Variants in PDZRN3 observed in about 807,000 individuals in gnomAD.
PDZRN3 encodes the protein PDZ domain containing ring finger 3.
Under a neutral mutation model 85.7 loss-of-function variants are expected in PDZRN3, and 38 were observed. That is an observed-to-expected ratio of 0.44 (90% confidence interval 0.34 to 0.58). The LOEUF is 0.58. Among genes scored for constraint, PDZRN3 ranks in the 20% least tolerant of loss-of-function variants. The pLI is 0.01. For synonymous variants in PDZRN3, 759 were observed against 638.0 expected (o/e 1.19, Z -2.86); for missense variants, 1,629 against 1,506.4 (o/e 1.08, Z -1.35).
intron 3 of PDZRN3, among the ~76,000 whole-genome samples, chr3:73,522,911 A>T (rs1208975081): frequency 1.3e-5 from 2 of 152,258 alleles, no homozygotes; most frequent in African/African-American, 2.4e-5. Context: ...GAATTCACTC[A>T]AACCTCAATG....
intron 5 of PDZRN3, among the ~76,000 whole-genome samples, chr3:73,395,915 G>C (rs1172215968): frequency 6.6e-6 from 1 of 152,154 alleles, no homozygotes; most frequent in Admixed American, 6.5e-5. Flanking sequence ...ATTCTAGTGG[G>C]GAAGAAAGAC....
chr3:73,445,006 T>G (rs1282564571), intron 3 of PDZRN3, among the ~76,000 whole-genome samples: 1 of 152,186 alleles, frequency 6.6e-6, no homozygotes, highest in Admixed American at 6.5e-5. Flanking sequence ...AAATGATTTC[T>G]GGTGAAGAGG....
chr3:73,509,905 C>T (rs1327581285), intron 3 of PDZRN3, among the ~76,000 whole-genome samples: 1 of 152,218 alleles, frequency 6.6e-6, no homozygotes, highest in African/African-American at 2.4e-5. Context: ...GCTGAGGCCT[C>T]CAGCCACCCT....
At chr3:73,620,581 G>T (rs200749581) in intron 1 of PDZRN3, among the ~76,000 whole-genome samples, 68 of 139,782 alleles carry the variant, frequency 4.9e-4, no homozygotes, top group East Asian at 3.6e-3. Context: ...GGTTTTTTTT[G>T]TTTTTTTTTT....
chr3:73,479,315 A>G (rs1378692722), intron 3 of PDZRN3, among the ~76,000 whole-genome samples: 4 of 152,176 alleles, frequency 2.6e-5, no homozygotes, highest in Non-Finnish European at 5.9e-5. Context: ...AAAGAGACCA[A>G]TTAGCAGAAT....
chr3:73,460,831 T>C (rs999649004), intron 3 of PDZRN3, among the ~76,000 whole-genome samples: 1 of 152,184 alleles, frequency 6.6e-6, no homozygotes, highest in Non-Finnish European at 1.5e-5. Flanking sequence ...TCTCGTTCTG[T>C]TGCCCAGGCT....
At chr3:73,410,547 C>T (rs1291687433) in intron 3 of PDZRN3, among the ~76,000 whole-genome samples, 8 of 152,216 alleles carry the variant, frequency 5.3e-5, no homozygotes, top group Admixed American at 5.2e-4. Flanking sequence ...CCCCTCCTTA[C>T]TCCATTTCAA....
At position 73,384,263 on chromosome 3, in the gene PDZRN3, G is replaced by A. The variant is rs376105538; in HGVS notation, c.2303C>T (p.Pro768Leu). 27 of 1,612,896 alleles carry A rather than the reference G, an allele frequency of 1.7e-5. No individual in the cohort carries two copies. Among genetic ancestry groups the A allele is most frequent in the East Asian group, 2.2e-5 (1 of 44,846 alleles). ...GTCGGGGGAGATCTCCAGGGTGAGC[G>A]GGGTGCTGCGGCAGCTCTCGCCTGT... ...YNTGESCRST[P>L]LTLEISPDNS... The change falls in exon 10 of 10, where the codon CCG becomes CTG. Residue 768 changes from proline to leucine, a missense_variant. Pro to Leu is a moderately conservative substitution (Grantham distance 98, BLOSUM62 -3). Transcript: ENST00000263666.
intron 3 of PDZRN3, among the ~76,000 whole-genome samples, chr3:73,501,030 C>T (rs1359546871): frequency 6.6e-6 from 1 of 152,082 alleles, no homozygotes; most frequent in African/African-American, 2.4e-5. Flanking sequence ...TGTTTTCCAT[C>T]TTCTCTTCTC....
At chr3:73,611,621 T>A (rs1457057475) in intron 1 of PDZRN3, among the ~76,000 whole-genome samples, 3 of 152,202 alleles carry the variant, frequency 2.0e-5, no homozygotes, top group African/African-American at 7.2e-5. Context: ...CAGGGAGGGA[T>A]AAAAGAAAAT....
intron 3 of PDZRN3, among the ~76,000 whole-genome samples, chr3:73,573,762 A>G (rs1702076063): frequency 6.6e-6 from 1 of 152,026 alleles, no homozygotes; most frequent in Admixed American, 6.6e-5. Context: ...CACACACACA[A>G]ATACATACAC....
intron 5 of PDZRN3, among the ~76,000 whole-genome samples, chr3:73,396,211 T>G (rs527667584): frequency 6.6e-6 from 1 of 150,428 alleles, no homozygotes; most frequent in Non-Finnish European, 1.5e-5. Context: ...CAAGACGCAG[T>G]CTCAAAACAA....
rs1443953744 is a variant in PDZRN3, at chr3:73,511,751, G to GC, written c.918+90602dup. Reference sequence around the variant, plus strand: ...ATGTATTTGCAACCAAGGACTGGCGGCCGCATCTAAAACAGACACCTCATT... The same window carrying GC: ...ATGTATTTGCAACCAAGGACTGGCGGCCCGCATCTAAAACAGACACCTCATT... On this transcript the variant is annotated intron_variant, in intron 3 of 9. Coordinates refer to ENST00000263666, the MANE Select transcript of PDZRN3 (RefSeq NM_015009.3). Among the ~76,000 whole-genome samples the GC allele has an allele frequency of 4.6e-5, 7 of 152,348 alleles. No homozygotes were observed. In the South Asian group the frequency reaches 1.5e-3, roughly 32 times the overall value.
intron 3 of PDZRN3, among the ~76,000 whole-genome samples, chr3:73,489,029 T>C (rs543812625): frequency 2.9e-4 from 44 of 152,322 alleles, no homozygotes; most frequent in Admixed American, 2.5e-3. Context: ...TCTTTGGGCA[T>C]CATGCATTGG....
chr3:73,617,002 C>T (rs115786343), intron 1 of PDZRN3, among the ~76,000 whole-genome samples: 14 of 152,300 alleles, frequency 9.2e-5, no homozygotes, highest in African/African-American at 2.4e-4. Context: ...GTGGACCCAA[C>T]GCCTGCATCT....
chr3:73,418,493 G>A (rs1182821753), intron 3 of PDZRN3, among the ~76,000 whole-genome samples: 2 of 152,134 alleles, frequency 1.3e-5, no homozygotes, highest in African/African-American at 4.8e-5. Flanking sequence ...ATTAGATAAT[G>A]TTGATTTTTA....
chr3:73,583,594 G>C (rs1702231816), intron 3 of PDZRN3, among the ~76,000 whole-genome samples: 1 of 152,068 alleles, frequency 6.6e-6, no homozygotes, highest in Non-Finnish European at 1.5e-5. Flanking sequence ...GCAGCCATAA[G>C]CACCTTCAGG....
At position 73,383,120 on chromosome 3, in the gene PDZRN3, A is replaced by AGTACAATTGCTAT; in HGVS notation, c.*232_*244dup. The AGTACAATTGCTAT allele has an allele frequency of 2.3e-6, 1 of 436,456 alleles. No homozygotes were observed. The highest frequency in any genetic ancestry group is 4.0e-6 in the Non-Finnish European group (1 of 249,482). 27.0% of individuals were successfully genotyped at this position (436,456 alleles called of 1,614,324 possible). A position where few individuals can be genotyped will look rare whatever the true frequency, so the allele number is the denominator to read the frequency against. ...TTATGTAAAAGGGTACAGGTAGAAA[A>AGTACAATTGCTAT]GTACAATTGCTATTTGAAAAAAGCT... is the stretch of plus-strand genomic sequence containing the variant. On this transcript the variant is annotated 3_prime_UTR_variant, in exon 10 of 10. Coordinates refer to ENST00000263666, the MANE Select transcript of PDZRN3 (RefSeq NM_015009.3).
chr3:73,592,913 T>A (rs2106882511), intron 3 of PDZRN3, among the ~76,000 whole-genome samples: 1 of 152,300 alleles, frequency 6.6e-6, no homozygotes, highest in East Asian at 1.9e-4. Context: ...TGTGCTTAGT[T>A]TAGCTCCACA....
Sources: gnomAD v4.1 joint callset for allele counts (sites outside exome capture counted in the v4.1 genomes callset) on GRCh38, gnomAD v4.1.1 for gene constraint, MANE v1.5 for transcripts, NCBI Gene and HGNC (gene_info 2026-07-23, HGNC 2026-07-21) for gene names.